The following PDIA3 variants were observed in gnomAD, a reference collection of about 807,000 sequenced individuals.
PDIA3 encodes the protein protein disulfide isomerase family A member 3.
Under a neutral mutation model 56.9 loss-of-function variants are expected in PDIA3, and 16 were observed. The ratio of observed to expected loss-of-function variants is 0.28; its 90% CI spans 0.19 to 0.43. PDIA3 has a LOEUF of 0.43. PDIA3 is among the 20% of genes least tolerant of loss of function. PDIA3 has a pLI of 1.00. For synonymous variants in PDIA3, 192 were observed against 216.5 expected (o/e 0.89, Z 0.99); for missense variants, 485 against 621.3 (o/e 0.78, Z 2.33).
chr15:43,768,309 A>C (rs1205545513), intron 8 of PDIA3, among the ~76,000 whole-genome samples, 180 bp from the exon 9 acceptor site: 1 of 152,252 alleles, frequency 6.6e-6, no homozygotes, highest in African/African-American at 2.4e-5. Context: ...CAAAGAACAC[A>C]CTAGAAATAA....
chr15:43,768,855 C>T (rs1478355547), intron 9 of PDIA3, among the ~76,000 whole-genome samples: 1 of 152,008 alleles, frequency 6.6e-6, no homozygotes, highest in Non-Finnish European at 1.5e-5. Flanking sequence ...AACCCCGTAT[C>T]TACTAAAAAC....
intron 3 of PDIA3, among the ~76,000 whole-genome samples, chr15:43,760,622 G>A (rs1018903201): frequency 1.1e-4 from 17 of 149,888 alleles, no homozygotes; most frequent in East Asian, 2.1e-4. Context: ...TCCGCCTCCC[G>A]GGTTCACACC....
chr15:43,761,618 C>T, intron 4 of PDIA3, 87 bp downstream of exon 4: 1 of 728,664 alleles, frequency 1.4e-6, no homozygotes, highest in Non-Finnish European at 2.4e-6. Flanking sequence ...AGAATTAAAG[C>T]AGTTAAGGAA....
At chr15:43,755,542 C>T (rs2086773263) in intron 2 of PDIA3, among the ~76,000 whole-genome samples, 1 of 152,146 alleles carries the variant, frequency 6.6e-6, no homozygotes, top group African/African-American at 2.4e-5. Flanking sequence ...AAAGCTCTTA[C>T]CTCTGCCAAA....
intron 7 of PDIA3, 115 bp downstream of exon 7, chr15:43,766,127 G>T: frequency 2.7e-4 from 127 of 462,406 alleles, no homozygotes; most frequent in Non-Finnish European, 3.6e-4. Context: ...GGTTCCTTAA[G>T]AAGAGGTAAA....
chr15:43,750,792 A>C (rs1321941113), intron 1 of PDIA3, among the ~76,000 whole-genome samples: 3 of 151,718 alleles, frequency 2.0e-5, no homozygotes, highest in Admixed American at 6.6e-5. Context: ...AAAAGTCCTC[A>C]ACATCTATTT....
At chr15:43,751,580 T>A in intron 1 of PDIA3, 1 of 1,303,886 alleles carries the variant, frequency 7.7e-7, no homozygotes, top group Admixed American at 2.3e-5. Context: ...AAATACCACC[T>A]GAGTTCCATT....
chr15:43,758,169 C>T (rs532768984), intron 3 of PDIA3, among the ~76,000 whole-genome samples: 8 of 151,226 alleles, frequency 5.3e-5, no homozygotes, highest in East Asian at 2.0e-4. Context: ...ACCTGGGAGG[C>T]GGGGTTGCGG....
intron 1 of PDIA3, among the ~76,000 whole-genome samples, chr15:43,752,050 C>G (rs1293574453): frequency 6.6e-6 from 1 of 152,152 alleles, no homozygotes; most frequent in African/African-American, 2.4e-5. Flanking sequence ...GATGGCTTTA[C>G]TCTTGTCTCT....
chr15:43,750,813 T>C (rs2086738963), intron 1 of PDIA3, among the ~76,000 whole-genome samples: 1 of 151,014 alleles, frequency 6.6e-6, no homozygotes, highest in Non-Finnish European at 1.5e-5. Flanking sequence ...ATGCTATAGA[T>C]GTGTATGCTA....
rs2086843617 is a variant in PDIA3 at position 43,765,709 on chromosome 15, C to T, written c.719+143C>T. ...GTAATAGTTTGAGTTTATATTAAAG[C>T]AGTAATGTGTGGGTGTTAGAACTCC... On this transcript the variant is annotated intron_variant, in intron 6 of 12. Coordinates refer to ENST00000300289, the MANE Select transcript of PDIA3 (RefSeq NM_005313.5). 1.4e-5 allele frequency: 12 copies of T among 843,516 alleles called. No individual in the cohort carries two copies. In the South Asian group the frequency reaches 1.8e-4, roughly 13 times the overall value. 52.3% of individuals were successfully genotyped at this position (843,516 alleles called of 1,614,324 possible).
chr15:43,753,142 A>G (rs1301809316), intron 1 of PDIA3, among the ~76,000 whole-genome samples: 1 of 141,776 alleles, frequency 7.1e-6, no homozygotes, highest in African/African-American at 2.7e-5. Flanking sequence ...CAGTGGCGCG[A>G]TGTCAGCTCA....
At chr15:43,757,377 T>C (rs1049979917) in intron 3 of PDIA3, among the ~76,000 whole-genome samples, 4 of 151,134 alleles carry the variant, frequency 2.6e-5, no homozygotes, top group African/African-American at 9.8e-5. Context: ...GCTAACACAG[T>C]GAAACCCCAT....
At chr15:43,750,329 C>T (rs1381764672) in intron 1 of PDIA3, among the ~76,000 whole-genome samples, 1 of 151,024 alleles carries the variant, frequency 6.6e-6, no homozygotes, top group African/African-American at 2.4e-5. Context: ...TGAAAGCTTT[C>T]TTTGCAGTTG....
intron 8 of PDIA3, among the ~76,000 whole-genome samples, chr15:43,767,226 C>G (rs1464678546): frequency 6.6e-6 from 1 of 151,940 alleles, no homozygotes; most frequent in African/African-American, 2.4e-5. Context: ...GTGGTGCATG[C>G]CTGCAATCCC....
At position 43,770,983 on chromosome 15, in the gene PDIA3, C is replaced by G. The variant is rs1317537568; in HGVS notation, c.1405-122C>G. 1.7e-5 allele frequency: 11 copies of G among 664,348 alleles called. No homozygotes were observed. In the East Asian group the frequency reaches 2.4e-4, roughly 15 times the overall value. 41.2% of individuals were successfully genotyped at this position (664,348 alleles called of 1,614,324 possible). Reference sequence around the variant, plus strand: ...TATTTAACTAAAATCTCTTTAAACTCTCATGGGCAGTATATGTGGCTGCTA... The same window carrying G: ...TATTTAACTAAAATCTCTTTAAACTGTCATGGGCAGTATATGTGGCTGCTA... On this transcript the variant is annotated intron_variant, in intron 12 of 12. Transcript: ENST00000300289.
At chr15:43,763,437 G>A (rs1441443693) in intron 5 of PDIA3, among the ~76,000 whole-genome samples, 1 of 152,182 alleles carries the variant, frequency 6.6e-6, no homozygotes, top group Non-Finnish European at 1.5e-5. Flanking sequence ...ATTTTTAGTA[G>A]AGACAGGGTT....
chr15:43,757,282 G>C (rs1205281091), intron 3 of PDIA3, among the ~76,000 whole-genome samples: 1 of 152,172 alleles, frequency 6.6e-6, no homozygotes, highest in East Asian at 1.9e-4. Context: ...GCCGGGGCCG[G>C]GTGCGGTGGC....
At chr15:43,760,674 C>T (rs753858255) in intron 3 of PDIA3, among the ~76,000 whole-genome samples, 29 of 151,246 alleles carry the variant, frequency 1.9e-4, no homozygotes, top group Non-Finnish European at 3.2e-4. Flanking sequence ...GGACCACAGG[C>T]GCCCGCCACC....
Sources: allele counts gnomAD v4.1 joint callset (sites outside exome capture counted in the v4.1 genomes callset), GRCh38; gene constraint gnomAD v4.1.1; transcripts MANE v1.5; gene names NCBI Gene and HGNC (gene_info 2026-07-23, HGNC 2026-07-21).